Variants in SCCPDH observed in about 807,000 individuals in gnomAD.
SCCPDH encodes the protein saccharopine dehydrogenase (putative).
Under a neutral mutation model 51.5 loss-of-function variants are expected in SCCPDH, and 34 were observed. The observed-to-expected ratio is 0.66, with a 90% CI of 0.50 to 0.88. SCCPDH has a LOEUF of 0.88. SCCPDH is among the 40% of genes least tolerant of loss of function. SCCPDH has a pLI of 0.00. For synonymous variants in SCCPDH, 187 were observed against 191.3 expected (o/e 0.98, Z 0.19); for missense variants, 464 against 527.1 (o/e 0.88, Z 1.17).
intron 2 of SCCPDH, among the ~76,000 whole-genome samples, chr1:246,730,627 A>G (rs776569165): frequency 5.9e-5 from 9 of 152,216 alleles, no homozygotes; most frequent in South Asian, 2.1e-4. Context: ...GTCAGTCCAT[A>G]TAGTAACCGT....
chr1:246,740,097 T>A (rs906387851), intron 3 of SCCPDH, 75 bp from the exon 4 acceptor site: 1 of 1,215,042 alleles, frequency 8.2e-7, no homozygotes, highest in African/African-American at 1.5e-5. Flanking sequence ...TGCTTTGTTT[T>A]TAAAGATAAA....
chr1:246,740,706 T>TA (rs1395394466), intron 4 of SCCPDH, among the ~76,000 whole-genome samples: 1 of 152,230 alleles, frequency 6.6e-6, no homozygotes, highest in Non-Finnish European at 1.5e-5. Flanking sequence ...TGGAGACACT[T>TA]ATTTAAGAAT....
intron 5 of SCCPDH, among the ~76,000 whole-genome samples, chr1:246,753,231 G>A (rs1484956227): frequency 6.6e-6 from 1 of 151,986 alleles, no homozygotes; most frequent in Non-Finnish European, 1.5e-5. Flanking sequence ...GTACTTTGTT[G>A]TATGGTAGAC....
chr1:246,734,503 A>G (rs1449683216), intron 2 of SCCPDH, among the ~76,000 whole-genome samples: 1 of 152,116 alleles, frequency 6.6e-6, no homozygotes, highest in Non-Finnish European at 1.5e-5. Context: ...TCAGAAGTAG[A>G]GTTCTTCATT....
At chr1:246,728,455 GA>G (rs1558165741) in intron 2 of SCCPDH, among the ~76,000 whole-genome samples, 1 of 152,066 alleles carries the variant, frequency 6.6e-6, no homozygotes, top group Non-Finnish European at 1.5e-5. Context: ...CTCTTCACCT[GA>G]ACATGAGTAA....
chr1:246,724,851 TCTC>T (rs1572290273), intron 1 of SCCPDH, among the ~76,000 whole-genome samples: 1 of 152,080 alleles, frequency 6.6e-6, no homozygotes, highest in Non-Finnish European at 1.5e-5. Context: ...TTTCTTTCCT[TCTC>T]CTCTTTCCCG....
intron 5 of SCCPDH, among the ~76,000 whole-genome samples, chr1:246,757,237 G>A (rs963272601): frequency 5.9e-5 from 9 of 151,864 alleles, no homozygotes; most frequent in Middle Eastern, 3.4e-3. Context: ...CCAGCTACTC[G>A]GGAGGTTGAG....
At chr1:246,730,527 A>T (rs1028763201) in intron 2 of SCCPDH, among the ~76,000 whole-genome samples, 1 of 152,182 alleles carries the variant, frequency 6.6e-6, no homozygotes, top group Non-Finnish European at 1.5e-5. Context: ...TCTCTGTGTG[A>T]TGGAAACTTT....
At chr1:246,742,000 C>T (rs757751873) in intron 4 of SCCPDH, among the ~76,000 whole-genome samples, 13 of 152,180 alleles carry the variant, frequency 8.5e-5, no homozygotes, top group Non-Finnish European at 1.5e-4. Flanking sequence ...ACCCCGGAGG[C>T]GGAGGTTGCA....
intron 6 of SCCPDH, 149 bp from the exon 7 acceptor site, chr1:246,758,885 C>A: frequency 1.5e-6 from 1 of 687,048 alleles, no homozygotes. Flanking sequence ...AAGTCCTGGC[C>A]TTAAGTGATC....
At chr1:246,739,474 CG>C (rs1406948533) in intron 3 of SCCPDH, among the ~76,000 whole-genome samples, 1 of 151,994 alleles carries the variant, frequency 6.6e-6, no homozygotes, top group South Asian at 2.1e-4. Flanking sequence ...CCGAAGGAGA[CG>C]TAACAACCGA....
intron 5 of SCCPDH, among the ~76,000 whole-genome samples, chr1:246,745,025 A>G (rs1456945248): frequency 6.6e-6 from 1 of 152,224 alleles, no homozygotes; most frequent in Non-Finnish European, 1.5e-5. Context: ...GGTGCACAGT[A>G]AATGTTGTTG....
intron 2 of SCCPDH, among the ~76,000 whole-genome samples, chr1:246,731,973 C>G (rs1668499046): frequency 6.8e-6 from 1 of 147,246 alleles, no homozygotes; most frequent in Non-Finnish European, 1.5e-5. Context: ...ATTTGGTTTT[C>G]TGTCCTTGTG....
At chr1:246,733,176 TC>T (rs1220905526) in intron 2 of SCCPDH, among the ~76,000 whole-genome samples, 1 of 152,090 alleles carries the variant, frequency 6.6e-6, no homozygotes, top group Non-Finnish European at 1.5e-5. Flanking sequence ...TGCCTCAACC[TC>T]CTGGGCTCAA....
chr1:246,765,716 T>C (rs4926440), intron 10 of SCCPDH, among the ~76,000 whole-genome samples: 18,608 of 151,936 alleles, frequency 0.12, 2,290 homozygotes, highest in African/African-American at 0.3. Context: ...GTGGGTGGAG[T>C]GTGGACTCTG....
intron 3 of SCCPDH, among the ~76,000 whole-genome samples, chr1:246,739,129 G>C (rs1354362955): frequency 2.0e-5 from 3 of 151,916 alleles, no homozygotes; most frequent in Admixed American, 6.6e-5. Flanking sequence ...GTATGTGCTT[G>C]AACAGGTGTG....
intron 5 of SCCPDH, among the ~76,000 whole-genome samples, chr1:246,754,269 T>C (rs548727224): frequency 6.6e-6 from 1 of 152,218 alleles, no homozygotes; most frequent in East Asian, 1.9e-4. Flanking sequence ...GCCAGCCAGT[T>C]TCTTTCTGCA....
intron 2 of SCCPDH, among the ~76,000 whole-genome samples, chr1:246,728,759 C>T (rs897939034): frequency 6.6e-6 from 1 of 152,126 alleles, no homozygotes; most frequent in East Asian, 1.9e-4. Context: ...CCAGATCTAT[C>T]TACCTACCTA....
chr1:246,750,454 A>G (rs1462531156), intron 5 of SCCPDH, among the ~76,000 whole-genome samples: 1 of 152,182 alleles, frequency 6.6e-6, no homozygotes, highest in Non-Finnish European at 1.5e-5. Flanking sequence ...GGGCAATGGG[A>G]TGGCAGCTAG....
Sources: allele counts gnomAD v4.1 joint callset (sites outside exome capture counted in the v4.1 genomes callset), GRCh38; gene constraint gnomAD v4.1.1; transcripts MANE v1.5; gene names NCBI Gene and HGNC (gene_info 2026-07-23, HGNC 2026-07-21).